The following SCHIP1 variants were observed in gnomAD, a reference collection of about 807,000 sequenced individuals.
The protein encoded by SCHIP1 is schwannomin-interacting protein 1.
A neutral mutation model predicts 29.7 loss-of-function variants in SCHIP1; 8 were observed. The observed-to-expected ratio is 0.27, with a 90% CI of 0.16 to 0.49. The LOEUF (loss-of-function observed/expected upper bound fraction) is 0.49. SCHIP1 is among the 20% of genes least tolerant of loss of function. The pLI is 0.99. For synonymous variants in SCHIP1, 76 were observed against 94.9 expected, an observed-to-expected ratio of 0.80 and a Z score of 1.16; for missense variants, 193 against 294.6, an observed-to-expected ratio of 0.66 and a Z score of 2.52.
At chr3:159,668,670 C>T in the SCHIP1 span, among the ~76,000 whole-genome samples, 1 of 152,068 alleles carries the variant, frequency 6.6e-6, no homozygotes, top group African/African-American at 2.4e-5. Context: ...GTCCAGGTTC[C>T]CATCAGCTGG....
At chr3:159,744,956 T>G in the SCHIP1 span, among the ~76,000 whole-genome samples, 2 of 151,448 alleles carry the variant, frequency 1.3e-5, no homozygotes, top group East Asian at 1.9e-4. Flanking sequence ...CACTCCAGCC[T>G]GGGCGACAGA....
At chr3:159,566,848 C>A in the SCHIP1 span, among the ~76,000 whole-genome samples, 3 of 152,160 alleles carry the variant, frequency 2.0e-5, no homozygotes, top group Admixed American at 2.0e-4. Context: ...AGGATGTGTA[C>A]CCAGGAAGTG....
chr3:159,654,802 TAAAA>T, the SCHIP1 span, among the ~76,000 whole-genome samples: 46 of 103,758 alleles, frequency 4.4e-4, no homozygotes, highest in South Asian at 0.01. Flanking sequence ...TGACTTTAAG[TAAAA>T]AAAAAAAAAA....
chr3:159,384,932 G>A, the SCHIP1 span, among the ~76,000 whole-genome samples: 10 of 152,270 alleles, frequency 6.6e-5, no homozygotes, highest in African/African-American at 2.4e-4. Flanking sequence ...GGTAGTTTTT[G>A]TATTTCTGTG....
the SCHIP1 span, among the ~76,000 whole-genome samples, chr3:159,537,634 A>T: frequency 4.6e-5 from 7 of 152,140 alleles, no homozygotes; most frequent in African/African-American, 1.7e-4. Context: ...GGTCTGAATA[A>T]CCCTGCTGAT....
the SCHIP1 span, among the ~76,000 whole-genome samples, chr3:159,599,367 G>A: frequency 6.6e-6 from 1 of 152,102 alleles, no homozygotes; most frequent in Non-Finnish European, 1.5e-5. Flanking sequence ...TTCAAGCAGT[G>A]TACACTGTAC....
the SCHIP1 span, among the ~76,000 whole-genome samples, chr3:159,494,759 C>T: frequency 6.6e-6 from 1 of 152,088 alleles, no homozygotes; most frequent in African/African-American, 2.4e-5. Flanking sequence ...TTTTTTTAGG[C>T]CAGCATCATC....
chr3:159,775,152 G>A, the SCHIP1 span, among the ~76,000 whole-genome samples: 1 of 152,202 alleles, frequency 6.6e-6, no homozygotes, highest in Non-Finnish European at 1.5e-5. Context: ...TATTGCCCAT[G>A]TCTGAGATGA....
chr3:159,283,510 T>C, the SCHIP1 span, among the ~76,000 whole-genome samples: 21 of 133,084 alleles, frequency 1.6e-4, no homozygotes, highest in Non-Finnish European at 3.2e-4. Context: ...TATGGATTAT[T>C]TCCTTTTTTT....
the SCHIP1 span, among the ~76,000 whole-genome samples, chr3:159,445,851 G>A: frequency 7.7e-6 from 1 of 129,208 alleles, no homozygotes; most frequent in Non-Finnish European, 1.6e-5. Flanking sequence ...ACAGGAAGGG[G>A]AACATCACAC....
At chr3:159,755,694 C>T in the SCHIP1 span, among the ~76,000 whole-genome samples, 2 of 152,234 alleles carry the variant, frequency 1.3e-5, no homozygotes, top group African/African-American at 4.8e-5. Flanking sequence ...TGAGATAAGG[C>T]AAGTCCCTTC....
chr3:159,340,149 G>T, the SCHIP1 span, among the ~76,000 whole-genome samples: 2 of 151,976 alleles, frequency 1.3e-5, no homozygotes, highest in East Asian at 3.9e-4. Context: ...GGATTTTAGA[G>T]ACTTGAGCAA....
At chr3:159,320,923 A>G in the SCHIP1 span, among the ~76,000 whole-genome samples, 1 of 151,602 alleles carries the variant, frequency 6.6e-6, no homozygotes, top group Non-Finnish European at 1.5e-5. Flanking sequence ...AATTTAAAGT[A>G]CCTGGCATGG....
At chr3:159,697,871 T>G in the SCHIP1 span, among the ~76,000 whole-genome samples, 1 of 152,270 alleles carries the variant, frequency 6.6e-6, no homozygotes, top group African/African-American at 2.4e-5. Flanking sequence ...TTGCAAGTGC[T>G]ATTTTATCAT....
chr3:159,704,893 TTTCTTTCTTTCTTTATTTC>T, the SCHIP1 span, among the ~76,000 whole-genome samples: 507 of 79,746 alleles, frequency 6.4e-3, 2 homozygotes, highest in African/African-American at 0.053. Context: ...TCTTTCTTTC[TTTCTTTCTTTCTTTATTTC>T]TTTCTTTCTT....
At chr3:159,303,321 G>A in the SCHIP1 span, among the ~76,000 whole-genome samples, 1 of 151,970 alleles carries the variant, frequency 6.6e-6, no homozygotes, top group Non-Finnish European at 1.5e-5. Flanking sequence ...CACAAGCAGT[G>A]GACTGGAGTG....
At chr3:159,463,822 C>T in the SCHIP1 span, among the ~76,000 whole-genome samples, 2 of 151,866 alleles carry the variant, frequency 1.3e-5, no homozygotes, top group Non-Finnish European at 2.9e-5. Flanking sequence ...TTACATATTA[C>T]ATTATTCTGT....
chr3:159,308,707 G>C, the SCHIP1 span, among the ~76,000 whole-genome samples: 2 of 152,160 alleles, frequency 1.3e-5, no homozygotes, highest in African/African-American at 4.8e-5. Flanking sequence ...AAAGACATAT[G>C]CACTTGTATG....
At chr3:159,439,722 A>G in the SCHIP1 span, among the ~76,000 whole-genome samples, 176 of 152,074 alleles carry the variant, frequency 1.2e-3, 1 homozygote, top group African/African-American at 4.1e-3. Flanking sequence ...CCCACTTTTT[A>G]ATGGAGTTGT....
Sources: gnomAD v4.1 joint callset for allele counts (sites outside exome capture counted in the v4.1 genomes callset) on GRCh38, gnomAD v4.1.1 for gene constraint, MANE v1.5 for transcripts, NCBI Gene and HGNC (gene_info 2026-07-23, HGNC 2026-07-21) for gene names.